Variants in MAGI2 observed in about 807,000 individuals in gnomAD.
MAGI2 encodes membrane-associated guanylate kinase, WW and PDZ domain-containing protein 2.
MAGI2 carries 35 observed loss-of-function variants against 133.3 expected under a neutral mutation model. That is an observed-to-expected ratio of 0.26 (90% CI 0.20 to 0.35). The LOEUF (loss-of-function observed/expected upper bound fraction) is 0.35, where lower values mean the gene tolerates loss of function less well. MAGI2 is among the 10% of genes least tolerant of loss of function. MAGI2 has a pLI of 1.00. For missense variants in MAGI2, 1,636 were observed against 1,863.4 expected (o/e 0.88, Z 2.25); for synonymous variants, 729 against 710.6 (o/e 1.03, Z -0.41).
chr7:78,809,651 T>C (rs1159124827), intron 2 of MAGI2, among the ~76,000 whole-genome samples: 1 of 152,140 alleles, frequency 6.6e-6, no homozygotes, highest in African/African-American at 2.4e-5. Context: ...TTTTTCCTAT[T>C]ACTAAATTTT....
Position 78,670,293 on chromosome 7 carries a change from G to A in MAGI2, c.419-43054C>T, listed in dbSNP as rs181403399. Among the ~76,000 whole-genome samples, 101 of 152,006 alleles carry A rather than the reference G, an allele frequency of 6.6e-4. No individual in the cohort carries two copies. In the East Asian group the frequency reaches 0.017, roughly 25 times the overall value. ...TACACCAATAACAGACAAACAGAGA[G>A]CAAATCATGAGTGAACTCCCATTCA... is the stretch of plus-strand genomic sequence containing the variant. On this transcript the variant is annotated intron_variant, in intron 2 of 21. Coordinates refer to ENST00000354212, the MANE Select transcript of MAGI2 (RefSeq NM_012301.4).
chr7:79,107,315 A>C (rs951773556), intron 1 of MAGI2, among the ~76,000 whole-genome samples: 1 of 152,182 alleles, frequency 6.6e-6, no homozygotes, highest in Admixed American at 6.5e-5. Context: ...GCCTCTAAGA[A>C]TGACCTCCAG....
chr7:79,359,439 GC>G (rs1365115598), intron 1 of MAGI2, among the ~76,000 whole-genome samples: 2 of 151,898 alleles, frequency 1.3e-5, no homozygotes, highest in Non-Finnish European at 2.9e-5. Flanking sequence ...AAAAAATAAT[GC>G]CTGAAAATTC....
chr7:78,692,234 A>C (rs1231334113), intron 2 of MAGI2, among the ~76,000 whole-genome samples: 1 of 152,198 alleles, frequency 6.6e-6, no homozygotes, highest in Non-Finnish European at 1.5e-5. Flanking sequence ...GTTTGTAAAT[A>C]AACATACAAA....
intron 6 of MAGI2, among the ~76,000 whole-genome samples, chr7:78,386,958 G>A (rs1795444873): frequency 6.6e-6 from 1 of 152,150 alleles, no homozygotes; most frequent in African/African-American, 2.4e-5. Flanking sequence ...TACCATTATT[G>A]GGTCAAGGTG....
At chr7:78,382,116 C>G (rs1794976827) in intron 6 of MAGI2, among the ~76,000 whole-genome samples, 1 of 152,026 alleles carries the variant, frequency 6.6e-6, no homozygotes, top group Admixed American at 6.6e-5. Flanking sequence ...GCTGTAAAAT[C>G]TGTGAAGAAA....
intron 6 of MAGI2, among the ~76,000 whole-genome samples, chr7:78,377,759 C>T (rs1429277675): frequency 6.6e-6 from 1 of 151,338 alleles, no homozygotes; most frequent in Non-Finnish European, 1.5e-5. Flanking sequence ...TAGTAATCCA[C>T]CAAGTCCTTT....
At chr7:78,297,995 A>AAAT (rs397805626) in intron 9 of MAGI2, among the ~76,000 whole-genome samples, 2 of 151,176 alleles carry the variant, frequency 1.3e-5, no homozygotes, top group African/African-American at 4.9e-5. Flanking sequence ...TTAAAAAAAA[A>AAAT]GAATTGTCTG....
intron 1 of MAGI2, among the ~76,000 whole-genome samples, chr7:79,421,358 TTTA>T (rs1447224507): frequency 2.6e-5 from 4 of 151,986 alleles, no homozygotes; most frequent in Admixed American, 2.6e-4. Context: ...TTACTCACAT[TTTA>T]TTATCATTTT....
chr7:78,770,288 T>C (rs559454033), intron 2 of MAGI2, among the ~76,000 whole-genome samples: 118 of 152,310 alleles, frequency 7.7e-4, no homozygotes, highest in Admixed American at 2.0e-3. Context: ...CAGGTCCCCA[T>C]AAAATTAATT....
chr7:78,588,584 C>A (rs1381516666), intron 3 of MAGI2, among the ~76,000 whole-genome samples: 3 of 152,184 alleles, frequency 2.0e-5, no homozygotes, highest in Non-Finnish European at 4.4e-5. Context: ...CCAGAGAGGA[C>A]TGTGGGCTTG....
At chr7:78,811,719 G>A (rs368140891) in intron 2 of MAGI2, among the ~76,000 whole-genome samples, 1 of 152,180 alleles carries the variant, frequency 6.6e-6, no homozygotes, top group East Asian at 1.9e-4. Flanking sequence ...GCCAAATTTG[G>A]CCCATGGCCT....
Position 78,476,695 on chromosome 7 carries a change from G to C in MAGI2, c.1045+13066C>G, listed in dbSNP as rs1791787725. 5.9e-5 allele frequency among the ~76,000 whole-genome samples: 9 copies of C among 152,012 alleles called. No individual in the cohort carries two copies. The South Asian group carries it at 1.9e-3, about 32-fold the overall frequency. On this transcript the variant is annotated intron_variant, in intron 6 of 21. Transcript: ENST00000354212. ...TATGTTCAAGGAGTTCCCACAAAGA[G>C]CACATAAAATCTTAAGCTGTTGGAA...
At chr7:79,028,235 GTATA>G (rs1174096501) in intron 1 of MAGI2, among the ~76,000 whole-genome samples, 680 of 29,294 alleles carry the variant, frequency 0.023, 7 homozygotes, top group African/African-American at 0.044. Flanking sequence ...ATATATGTAT[GTATA>G]TATATATATA....
chr7:78,797,378 G>A (rs1787702343), intron 2 of MAGI2, among the ~76,000 whole-genome samples: 2 of 152,028 alleles, frequency 1.3e-5, no homozygotes, highest in South Asian at 2.1e-4. Context: ...TATATTATGT[G>A]TGAGCTCTAG....
chr7:78,607,417 T>C (rs1805936180), intron 3 of MAGI2, among the ~76,000 whole-genome samples: 1 of 151,508 alleles, frequency 6.6e-6, no homozygotes. Flanking sequence ...CAGTAGTTGT[T>C]AGAAGTCAGA....
At chr7:78,038,576 G>C (rs1165232740) in intron 21 of MAGI2, among the ~76,000 whole-genome samples, 1 of 54,952 alleles carries the variant, frequency 1.8e-5, no homozygotes, top group Non-Finnish European at 4.2e-5. Context: ...TAGAAATGCA[G>C]ACTCCCCACC....
chr7:78,057,666 C>A (rs576867093), intron 21 of MAGI2, among the ~76,000 whole-genome samples: 1 of 152,036 alleles, frequency 6.6e-6, no homozygotes, highest in Non-Finnish European at 1.5e-5. Context: ...CATAGCACAA[C>A]TTGGGGTTTC....
chr7:78,077,070 G>A (rs1002344284), intron 21 of MAGI2, among the ~76,000 whole-genome samples: 1 of 152,104 alleles, frequency 6.6e-6, no homozygotes, highest in African/African-American at 2.4e-5. Flanking sequence ...TGGATGCTGA[G>A]AAAGCGGGGA....
Sources: gnomAD v4.1 joint callset for allele counts (sites outside exome capture counted in the v4.1 genomes callset) on GRCh38, gnomAD v4.1.1 for gene constraint, MANE v1.5 for transcripts, NCBI Gene and HGNC (gene_info 2026-07-23, HGNC 2026-07-21) for gene names.